LEPR: variants seen among roughly 807,000 people sequenced by gnomAD.
The protein encoded by LEPR is leptin receptor, also known as OB receptor.
Under a neutral mutation model 114.7 loss-of-function variants are expected in LEPR, and 56 were observed. The observed-to-expected ratio is 0.49, with a 90% CI of 0.39 to 0.61. The LOEUF (loss-of-function observed/expected upper bound fraction) is 0.61. Ranked by LOEUF, LEPR falls within the 20% of genes least tolerant of loss-of-function variation. The pLI, the probability that LEPR is intolerant of heterozygous loss-of-function variation, is 0.00. For synonymous variants in LEPR, 443 were observed against 461.4 expected (o/e 0.96, Z 0.51); for missense variants, 1,202 against 1,352.9 (o/e 0.89, Z 1.75).
chr1:65,558,266 C>A (rs1652965947), intron 2 of LEPR, among the ~76,000 whole-genome samples: 1 of 151,956 alleles, frequency 6.6e-6, no homozygotes, highest in Non-Finnish European at 1.5e-5. Flanking sequence ...TTCTAGAAAT[C>A]CTAAAGAACC....
chr1:65,545,628 T>A (rs1243104955), intron 2 of LEPR, among the ~76,000 whole-genome samples: 1 of 152,272 alleles, frequency 6.6e-6, no homozygotes, highest in Non-Finnish European at 1.5e-5. Flanking sequence ...TCTGTTCATA[T>A]CCTTTGCCCA....
At chr1:65,618,298 C>T in intron 16 of LEPR, 152 bp downstream of exon 16, 1 of 580,886 alleles carries the variant, frequency 1.7e-6, no homozygotes. Context: ...TTTATCAAAA[C>T]ATTTAATTCT....
At chr1:65,437,753 AT>A (rs952657432) in intron 2 of LEPR, among the ~76,000 whole-genome samples, 31 of 152,080 alleles carry the variant, frequency 2.0e-4, no homozygotes, top group Admixed American at 1.6e-3. Flanking sequence ...GATAAGTAGT[AT>A]TTGGGTCATT....
intron 2 of LEPR, among the ~76,000 whole-genome samples, chr1:65,542,628 G>A (rs1270125255): frequency 4.6e-5 from 7 of 151,498 alleles, no homozygotes; most frequent in Non-Finnish European, 1.0e-4. Context: ...GCCACCCCCC[G>A]ACAGGCCCTG....
chr1:65,568,524 GTGCA>G (rs1042911211), intron 3 of LEPR, among the ~76,000 whole-genome samples: 2 of 150,770 alleles, frequency 1.3e-5, no homozygotes, highest in Admixed American at 1.3e-4. Flanking sequence ...GTGTGTGTGT[GTGCA>G]TGTGCATGTG....
At chr1:65,618,328 C>T (rs1557699632) in intron 16 of LEPR, among the ~76,000 whole-genome samples, 182 bp downstream of exon 16, 1 of 151,932 alleles carries the variant, frequency 6.6e-6, no homozygotes, top group Non-Finnish European at 1.5e-5. Context: ...CTCTTCTCTT[C>T]TCTTTTCTTT....
At chr1:65,462,174 C>T (rs1646954442) in intron 2 of LEPR, among the ~76,000 whole-genome samples, 1 of 152,076 alleles carries the variant, frequency 6.6e-6, no homozygotes, top group African/African-American at 2.4e-5. Context: ...CCAACAGGCC[C>T]CAATGTGTGA....
intron 2 of LEPR, among the ~76,000 whole-genome samples, chr1:65,506,670 A>G (rs527800117): frequency 1.3e-5 from 2 of 152,330 alleles, no homozygotes; most frequent in East Asian, 1.9e-4. Flanking sequence ...TTAATTGACA[A>G]ATAGTAATTT....
intron 2 of LEPR, among the ~76,000 whole-genome samples, chr1:65,564,137 C>T (rs1317805412): frequency 6.8e-6 from 1 of 148,128 alleles, no homozygotes; most frequent in African/African-American, 2.5e-5. Context: ...CAATGGTGGG[C>T]GCCCCTCCCC....
chr1:65,428,546 T>C (rs187228875), intron 2 of LEPR, among the ~76,000 whole-genome samples: 2 of 152,320 alleles, frequency 1.3e-5, no homozygotes, highest in East Asian at 3.9e-4. Flanking sequence ...TCCTGAGTCC[T>C]CTTGAAGGAC....
At chr1:65,629,224 T>C in intron 19 of LEPR, 3 of 274,774 alleles carry the variant, frequency 1.1e-5, no homozygotes, top group South Asian at 3.4e-5. Context: ...TTCTTGGAGC[T>C]CCCCTGCTAT....
chr1:65,606,839 A>G (rs1322303318), intron 11 of LEPR, among the ~76,000 whole-genome samples: 1 of 152,318 alleles, frequency 6.6e-6, no homozygotes, highest in East Asian at 1.9e-4. Flanking sequence ...GAATTGAATA[A>G]TCATGATAAA....
intron 2 of LEPR, among the ~76,000 whole-genome samples, chr1:65,470,158 C>T (rs926592766): frequency 6.6e-6 from 1 of 152,190 alleles, no homozygotes; most frequent in Admixed American, 6.5e-5. Flanking sequence ...GACCACATTC[C>T]TCCCTAAACA....
At chr1:65,610,187 AC>A (rs761581432) in intron 13 of LEPR, 26 bp from the exon 14 acceptor site, 1 of 1,614,118 alleles carries the variant, frequency 6.2e-7, no homozygotes, top group Non-Finnish European at 8.5e-7. Context: ...TTCTTCAAAA[AC>A]ATATACACAA....
chr1:65,436,145 G>A, intron 2 of LEPR: 1 of 860,040 alleles, frequency 1.2e-6, no homozygotes, highest in Non-Finnish European at 1.4e-6. Flanking sequence ...TGACCAGTTT[G>A]AAGCCTGTAC....
intron 5 of LEPR, among the ~76,000 whole-genome samples, chr1:65,582,651 C>A (rs1304725871): frequency 1.3e-5 from 2 of 152,222 alleles, no homozygotes; most frequent in East Asian, 3.8e-4. Flanking sequence ...AGTGCCCATG[C>A]ACTTTTCCTC....
At chr1:65,475,684 A>G (rs1194610434) in intron 2 of LEPR, among the ~76,000 whole-genome samples, 3 of 152,150 alleles carry the variant, frequency 2.0e-5, no homozygotes, top group Non-Finnish European at 4.4e-5. Flanking sequence ...ATTTTGTTCT[A>G]TATGCAGTGT....
rs566881867 is a variant in LEPR, at chr1:65,638,538, A to T, written c.*1523A>T. The T allele has an allele frequency of 6.6e-6, 1 of 152,220 alleles. No individual in the cohort carries two copies. The highest frequency in any genetic ancestry group is 2.4e-5 in the African/African-American group (1 of 41,462). 9.4% of individuals were successfully genotyped at this position (152,220 alleles called of 1,614,324 possible). A position where few individuals can be genotyped will look rare whatever the true frequency, so the allele number is the denominator to read the frequency against. On this transcript the variant is annotated 3_prime_UTR_variant, in exon 20 of 20. Coordinates refer to ENST00000349533, the MANE Select transcript of LEPR (RefSeq NM_002303.6). ...ATCAGAATTTCATATTTAGACCGAG[A>T]CAAGAGACTCCCAATTTTACTGTTA...
At chr1:65,569,381 T>C (rs1028220611) in intron 3 of LEPR, among the ~76,000 whole-genome samples, 4 of 152,182 alleles carry the variant, frequency 2.6e-5, no homozygotes, top group Non-Finnish European at 5.9e-5. Flanking sequence ...AAAACAATTA[T>C]GGAGAATTAT....
Sources: allele counts gnomAD v4.1 joint callset (sites outside exome capture counted in the v4.1 genomes callset), GRCh38; gene constraint gnomAD v4.1.1; transcripts MANE v1.5; gene names NCBI Gene and HGNC (gene_info 2026-07-23, HGNC 2026-07-21).